TMEM181: variants seen among roughly 807,000 people sequenced by gnomAD.
TMEM181 encodes transmembrane protein 181, also known as G protein-coupled receptor 178.
In TMEM181, 39 loss-of-function variants were observed where a neutral mutation model predicts 71.9. That is an observed-to-expected ratio of 0.54 (90% confidence interval 0.42 to 0.71). TMEM181 has a LOEUF of 0.71. Among genes scored for constraint, TMEM181 ranks in the 30% least tolerant of loss-of-function variants. The pLI is 0.00. For missense variants in TMEM181, 595 were observed against 583.0 expected, an observed-to-expected ratio of 1.02 and a Z score of -0.21; for synonymous variants, 245 against 228.8, an observed-to-expected ratio of 1.07 and a Z score of -0.64.
Position 158,567,431 on chromosome 6 carries a change from G to A in TMEM181, c.9-5989G>A, listed in dbSNP as rs1163183132. Among the ~76,000 whole-genome samples, 3 of 152,240 alleles carry A rather than the reference G, an allele frequency of 2.0e-5. No homozygotes were observed. The East Asian group carries it at 5.8e-4, about 29-fold the overall frequency. On this transcript the variant is annotated intron_variant, in intron 1 of 16. Transcript: ENST00000684151. Reference sequence around the variant, plus strand: ...ATTTTGTATGCCTCCCACGTGCCAAGCCGTTCGCCGTCAGGCACTCTGCTG... The same window carrying A: ...ATTTTGTATGCCTCCCACGTGCCAAACCGTTCGCCGTCAGGCACTCTGCTG...
At chr6:158,561,688 G>C (rs1241008817) in intron 1 of TMEM181, among the ~76,000 whole-genome samples, 1 of 152,190 alleles carries the variant, frequency 6.6e-6, no homozygotes, top group Admixed American at 6.5e-5. Flanking sequence ...GTTGACCAAG[G>C]AAAGGTCCCG....
chr6:158,593,027 T>C (rs1301703623), intron 6 of TMEM181, among the ~76,000 whole-genome samples: 3 of 152,206 alleles, frequency 2.0e-5, no homozygotes, highest in Non-Finnish European at 2.9e-5. Flanking sequence ...TGAACTGATT[T>C]AACTTTTGGG....
intron 5 of TMEM181, 25 bp downstream of exon 5, chr6:158,585,450 A>C: frequency 6.4e-7 from 1 of 1,555,236 alleles, no homozygotes; most frequent in Non-Finnish European, 8.7e-7. Context: ...TGAGCCCCAC[A>C]GTCAGTCCTC....
At chr6:158,626,934 T>TCTCACCCTCATTCTCACC (rs1554230550) in intron 13 of TMEM181, among the ~76,000 whole-genome samples, 26 of 81,064 alleles carry the variant, frequency 3.2e-4, no homozygotes, top group Non-Finnish European at 5.5e-4. Context: ...TCACCCTCAT[T>TCTCACCCTCATTCTCACC]CTCACCCTCA....
intron 10 of TMEM181, among the ~76,000 whole-genome samples, chr6:158,618,308 TTTGTTG>T (rs376129600): frequency 2.0e-5 from 3 of 151,862 alleles, no homozygotes; most frequent in East Asian, 1.9e-4. Context: ...AACCCCTGCT[TTTGTTG>T]TTGTTGTTGT....
chr6:158,582,095 C>T (rs111300591), intron 3 of TMEM181, among the ~76,000 whole-genome samples: 1 of 152,180 alleles, frequency 6.6e-6, no homozygotes, highest in East Asian at 1.9e-4. Context: ...TTTGATTTTT[C>T]TCTTTGCTAC....
chr6:158,602,763 G>A (rs1294151161), intron 6 of TMEM181, among the ~76,000 whole-genome samples: 2 of 151,616 alleles, frequency 1.3e-5, no homozygotes, highest in Non-Finnish European at 2.9e-5. Flanking sequence ...TTTTATTTTT[G>A]TAGAGACAGG....
At chr6:158,612,046 A>C (rs1369614602) in intron 10 of TMEM181, among the ~76,000 whole-genome samples, 2 of 150,862 alleles carry the variant, frequency 1.3e-5, no homozygotes, top group African/African-American at 4.9e-5. Context: ...GAATGTGCTT[A>C]TTAGGGCCTA....
chr6:158,614,535 G>A (rs976640233), intron 10 of TMEM181, among the ~76,000 whole-genome samples: 42 of 152,032 alleles, frequency 2.8e-4, no homozygotes, highest in African/African-American at 8.9e-4. Context: ...TGTGCACAAC[G>A]TGCAGGTTTG....
At chr6:158,585,101 C>G (rs1054662743) in intron 4 of TMEM181, among the ~76,000 whole-genome samples, 1 of 151,968 alleles carries the variant, frequency 6.6e-6, no homozygotes, top group Admixed American at 6.6e-5. Flanking sequence ...TGACATAGAC[C>G]CCCTGGGTGC....
In TMEM181 at chr6:158,629,768, T is replaced by C. The variant is rs796810610; in HGVS notation, c.1231T>C (p.Tyr411His). The change falls in exon 15 of 17, where the codon TAT becomes CAT. Residue 411 changes from tyrosine (Y) to histidine (H), a missense_variant. Coordinates refer to ENST00000684151, the MANE Select transcript of TMEM181 (RefSeq NM_001376852.1). The part of the protein sequence containing the change: ...FLSFYGLLNF[Y>H]LYTLAFVYSP... ...ATCTTTCTATGGCCTGTTGAACTTC[T>C]ATCTCTACACCTTGGCCTTTGTATA... The C allele has an allele frequency of 6.2e-7, 1 of 1,613,442 alleles. No homozygotes were observed. The highest frequency in any genetic ancestry group is 8.5e-7 in the Non-Finnish European group (1 of 1,179,732).
Position 158,619,889 on chromosome 6 carries a change from AGGAGG to A in TMEM181, c.897-3660_897-3656del, listed in dbSNP as rs1184776171. ...TCTCAAAAAAAAAAAAAAAAAAAAAAGGAGGATGTCATGAGGGGTGCAAGGTTGAC... is the reference window on the plus strand; with the variant it reads ...TCTCAAAAAAAAAAAAAAAAAAAAAAATGTCATGAGGGGTGCAAGGTTGAC... On this transcript the variant is annotated intron_variant, in intron 10 of 16. Coordinates refer to ENST00000684151, the MANE Select transcript of TMEM181 (RefSeq NM_001376852.1). Among the ~76,000 whole-genome samples, 10 of 83,426 alleles carry A rather than the reference AGGAGG, an allele frequency of 1.2e-4. No individual in the cohort carries two copies. The East Asian group carries it at 2.5e-3, about 21-fold the overall frequency. 54.7% of individuals were successfully genotyped at this position (83,426 alleles called of 152,430 possible).
At chr6:158,572,493 A>G (rs1227748131) in intron 1 of TMEM181, 1 of 456,624 alleles carries the variant, frequency 2.2e-6, no homozygotes, top group Admixed American at 2.3e-5. Flanking sequence ...TCCTCAGGGC[A>G]CAGGGCGGGG....
At chr6:158,596,368 T>TA (rs1784391865) in intron 6 of TMEM181, among the ~76,000 whole-genome samples, 1 of 152,236 alleles carries the variant, frequency 6.6e-6, no homozygotes, top group Non-Finnish European at 1.5e-5. Flanking sequence ...TGGCTGGCTG[T>TA]ACTGACACAA....
chr6:158,589,388 G>A (rs192435356), intron 5 of TMEM181, among the ~76,000 whole-genome samples: 288 of 152,310 alleles, frequency 1.9e-3, no homozygotes, highest in Non-Finnish European at 3.4e-3. Context: ...TCAGGCTTGC[G>A]TTGCACTGTT....
chr6:158,603,362 C>T (rs1321859931), intron 6 of TMEM181, among the ~76,000 whole-genome samples: 2 of 152,256 alleles, frequency 1.3e-5, no homozygotes, highest in Middle Eastern at 3.4e-3. Context: ...CTAGATCCCT[C>T]GCCTGCACAG....
upstream of TMEM181, among the ~76,000 whole-genome samples, chr6:158,557,286 A>C (rs542637602): frequency 6.6e-6 from 1 of 152,092 alleles, no homozygotes; most frequent in East Asian, 1.9e-4. Context: ...AGGCCGGAGG[A>C]TCTTTTGAGT....
intron 10 of TMEM181, among the ~76,000 whole-genome samples, chr6:158,614,029 C>G (rs1356613773): frequency 5.3e-5 from 8 of 152,196 alleles, no homozygotes; most frequent in African/African-American, 1.4e-4. Flanking sequence ...TATTTAGATA[C>G]TAGAACCTTA....
chr6:158,542,336 G>C (rs543680455), intron 1 of TMEM181, among the ~76,000 whole-genome samples: 1 of 152,298 alleles, frequency 6.6e-6, no homozygotes, highest in Admixed American at 6.5e-5. Context: ...TTGTTACTCC[G>C]TTATTGAGTC....
Sources: allele counts gnomAD v4.1 joint callset (sites outside exome capture counted in the v4.1 genomes callset), GRCh38; gene constraint gnomAD v4.1.1; transcripts MANE v1.5; gene names NCBI Gene and HGNC (gene_info 2026-07-23, HGNC 2026-07-21).